The following STXBP6 variants were observed in gnomAD, a reference collection of about 807,000 sequenced individuals.
The protein encoded by STXBP6 is syntaxin binding protein 6, also known as syntaxin-binding protein 6.
Under a neutral mutation model 26.9 loss-of-function variants are expected in STXBP6, and 21 were observed. The ratio of observed to expected loss-of-function variants is 0.78; its 90% CI spans 0.55 to 1.12. STXBP6 has a LOEUF of 1.12. Among genes scored for constraint, STXBP6 ranks in the 50% most tolerant of loss-of-function variants. The pLI is 0.00. For missense variants in STXBP6, 232 were observed against 257.9 expected, an observed-to-expected ratio of 0.90 and a Z score of 0.69; for synonymous variants, 97 against 92.6, an observed-to-expected ratio of 1.05 and a Z score of -0.27.
intron 2 of STXBP6, among the ~76,000 whole-genome samples, chr14:24,912,104 C>T (rs1384564142): frequency 2.0e-5 from 3 of 152,154 alleles, no homozygotes; most frequent in African/African-American, 7.2e-5. Flanking sequence ...GCATGAGAGT[C>T]CCATCAAGCT....
intron 2 of STXBP6, among the ~76,000 whole-genome samples, chr14:24,906,509 A>C (rs2071392169): frequency 6.6e-6 from 1 of 152,222 alleles, no homozygotes; most frequent in Non-Finnish European, 1.5e-5. Context: ...TCAAATGCAG[A>C]GTACTGTATA....
chr14:25,010,318 A>G (rs1221287735), intron 1 of STXBP6, among the ~76,000 whole-genome samples: 1 of 152,230 alleles, frequency 6.6e-6, no homozygotes, highest in Non-Finnish European at 1.5e-5. Context: ...CGGTAAACCT[A>G]TTCAGGCAAT....
chr14:25,008,216 C>CT, intron 1 of STXBP6, among the ~76,000 whole-genome samples: 1 of 152,300 alleles, frequency 6.6e-6, no homozygotes, highest in East Asian at 1.9e-4. Context: ...AAAAGTTTAT[C>CT]TTTTTGGCCA....
At chr14:24,849,651 A>C (rs894008079) in intron 4 of STXBP6, among the ~76,000 whole-genome samples, 3 of 152,142 alleles carry the variant, frequency 2.0e-5, no homozygotes, top group African/African-American at 7.2e-5. Flanking sequence ...AAAAATAGTC[A>C]CTGGAGGAAC....
At chr14:24,958,969 A>G (rs1408185881) in intron 2 of STXBP6, among the ~76,000 whole-genome samples, 1 of 152,182 alleles carries the variant, frequency 6.6e-6, no homozygotes, top group Non-Finnish European at 1.5e-5. Context: ...TAGAACAATG[A>G]TCTAAACAGG....
At chr14:24,837,179 G>A (rs1286862647) in intron 4 of STXBP6, among the ~76,000 whole-genome samples, 2 of 152,132 alleles carry the variant, frequency 1.3e-5, no homozygotes, top group East Asian at 1.9e-4. Context: ...AAACAGCAGG[G>A]AGGATGAAAG....
intron 2 of STXBP6, among the ~76,000 whole-genome samples, chr14:24,953,053 C>T (rs1279482162): frequency 2.0e-5 from 3 of 152,148 alleles, no homozygotes; most frequent in East Asian, 3.9e-4. Context: ...CTAAAGGAGG[C>T]CAGAAGGCCA....
intron 1 of STXBP6, among the ~76,000 whole-genome samples, chr14:25,040,456 T>C (rs1272483629): frequency 1.3e-5 from 2 of 152,212 alleles, no homozygotes; most frequent in East Asian, 1.9e-4. Context: ...TCTCAGTCTT[T>C]TCAAGTGTAA....
intron 2 of STXBP6, among the ~76,000 whole-genome samples, chr14:24,927,312 C>T (rs2072213043): frequency 6.6e-6 from 1 of 152,208 alleles, no homozygotes; most frequent in South Asian, 2.1e-4. Flanking sequence ...CCTGGGTGAG[C>T]AATCCACATT....
At chr14:24,817,322 T>C (rs774523314) in intron 5 of STXBP6, 1 of 152,246 alleles carries the variant, frequency 6.6e-6, no homozygotes, top group Non-Finnish European at 1.5e-5. Context: ...GACATCCAGG[T>C]ATTGTCTATG....
intron 1 of STXBP6, among the ~76,000 whole-genome samples, chr14:25,047,222 C>T (rs189305276): frequency 2.6e-5 from 4 of 152,240 alleles, no homozygotes; most frequent in Admixed American, 2.0e-4. Flanking sequence ...TAAAGGTCAC[C>T]AATCCGGCAC....
intron 2 of STXBP6, among the ~76,000 whole-genome samples, chr14:24,957,244 C>G (rs189927346): frequency 6.6e-6 from 1 of 152,310 alleles, no homozygotes; most frequent in East Asian, 1.9e-4. Flanking sequence ...TGCTCTTACA[C>G]CACTCCAAAA....
intron 2 of STXBP6, 121 bp downstream of exon 2, chr14:24,974,544 A>C (rs2073991803): frequency 1.2e-6 from 1 of 815,262 alleles, no homozygotes; most frequent in Non-Finnish European, 1.7e-6. Context: ...AAAACGGGGA[A>C]AAGGAGCAAG....
At chr14:24,991,254 T>C (rs960703098) in intron 1 of STXBP6, among the ~76,000 whole-genome samples, 1 of 152,152 alleles carries the variant, frequency 6.6e-6, no homozygotes, top group African/African-American at 2.4e-5. Context: ...CCAGTACATA[T>C]GCAGGCTTAT....
intron 2 of STXBP6, among the ~76,000 whole-genome samples, chr14:24,971,032 A>C (rs1425391927): frequency 1.3e-5 from 2 of 152,190 alleles, no homozygotes; most frequent in Admixed American, 6.5e-5. Flanking sequence ...ATCCTATCCC[A>C]AGACACCATA....
chr14:25,039,884 T>G (rs1227513590), intron 1 of STXBP6, among the ~76,000 whole-genome samples: 1 of 152,042 alleles, frequency 6.6e-6, no homozygotes, highest in Non-Finnish European at 1.5e-5. Flanking sequence ...TTTTTTTTTA[T>G]TTTTAGTAGA....
chr14:24,984,263 G>T (rs958457153), intron 1 of STXBP6, among the ~76,000 whole-genome samples: 3 of 151,954 alleles, frequency 2.0e-5, no homozygotes, highest in Admixed American at 6.6e-5. Flanking sequence ...AGAAACCAAA[G>T]AAAAAGAAAA....
rs576291864 is a variant in STXBP6, at chr14:24,927,255, C to T, written c.154+47410G>A. On this transcript the variant is annotated intron_variant, in intron 2 of 5. Coordinates refer to ENST00000323944, the MANE Select transcript of STXBP6 (RefSeq NM_001394410.1). The stretch of plus-strand genomic sequence containing the variant: ...GTGGTATTCCACACTTCTATACTGG[C>T]CTTGTTCCCTGGCTCACTCTCCAGA... 1.4e-4 allele frequency among the ~76,000 whole-genome samples: 21 copies of T among 152,236 alleles called. No homozygotes were observed. In the South Asian group the frequency reaches 4.4e-3, roughly 32 times the overall value.
At chr14:24,955,264 G>A (rs749196277) in intron 2 of STXBP6, among the ~76,000 whole-genome samples, 1 of 152,118 alleles carries the variant, frequency 6.6e-6, no homozygotes, top group Non-Finnish European at 1.5e-5. Context: ...TGATGTTAGA[G>A]TGATCAACCT....
Sources: gnomAD v4.1 joint callset for allele counts (sites outside exome capture counted in the v4.1 genomes callset) on GRCh38, gnomAD v4.1.1 for gene constraint, MANE v1.5 for transcripts, NCBI Gene and HGNC (gene_info 2026-07-23, HGNC 2026-07-21) for gene names.